SI: variants seen among roughly 807,000 people sequenced by gnomAD.
The protein encoded by SI is sucrase-isomaltase, intestinal.
Under a neutral mutation model 253.3 loss-of-function variants are expected in SI, and 235 were observed. The ratio of observed to expected loss-of-function variants is 0.93; its 90% confidence interval spans 0.83 to 1.03. SI has a LOEUF of 1.03. Ranked by LOEUF, SI falls within the 50% of genes least tolerant of loss-of-function variation. The pLI is 0.00. For synonymous variants in SI, 819 were observed against 712.0 expected (o/e 1.15, Z -2.39); for missense variants, 2,442 against 2,211.1 (o/e 1.10, Z -2.09).
At chr3:165,070,274 TATG>T (rs922076250) in intron 3 of SI, among the ~76,000 whole-genome samples, 8 of 138,780 alleles carry the variant, frequency 5.8e-5, no homozygotes, top group Admixed American at 2.4e-4. Context: ...AATATACATA[TATG>T]ATTATATACA....
chr3:164,989,372 GGAAGAAAGAAAGA>G (rs1717600357), intron 44 of SI, among the ~76,000 whole-genome samples: 4 of 118,610 alleles, frequency 3.4e-5, no homozygotes, highest in Non-Finnish European at 6.8e-5. Flanking sequence ...AAGAAAGAAA[GGAAGAAAGAAAGA>G]AAGGAAGAAA....
chr3:164,989,433 A>G (rs113424970), intron 44 of SI, among the ~76,000 whole-genome samples: 16,819 of 127,726 alleles, frequency 0.13, 1,820 homozygotes, highest in African/African-American at 0.35. Context: ...AGAAAGAAAG[A>G]AAGGAAAGAA....
chr3:165,047,989 T>C (rs1290009211), intron 15 of SI, among the ~76,000 whole-genome samples: 2 of 152,062 alleles, frequency 1.3e-5, no homozygotes. Flanking sequence ...CATGTTATAA[T>C]CTTTATTATA....
intron 40 of SI, among the ~76,000 whole-genome samples, chr3:164,994,671 T>C (rs534787225): frequency 1.3e-5 from 2 of 151,836 alleles, no homozygotes; most frequent in Admixed American, 6.6e-5. Flanking sequence ...AGTTCACATT[T>C]TAATGGATGA....
chr3:165,021,568 G>C (rs1234108543), intron 26 of SI, among the ~76,000 whole-genome samples, 185 bp from the exon 27 acceptor site: 1 of 151,114 alleles, frequency 6.6e-6, no homozygotes, highest in Non-Finnish European at 1.5e-5. Flanking sequence ...ATTTATAATG[G>C]GTCCTAACTG....
intron 31 of SI, 128 bp from the exon 32 acceptor site, chr3:165,016,208 G>T (rs1028655363): frequency 6.3e-6 from 5 of 793,650 alleles, no homozygotes; most frequent in African/African-American, 1.7e-5. Flanking sequence ...ATCCTAAAAA[G>T]AATTAAATGG....
chr3:165,009,958 G>A (rs1316956946), intron 34 of SI, among the ~76,000 whole-genome samples: 9 of 152,010 alleles, frequency 5.9e-5, no homozygotes, highest in East Asian at 3.9e-4. Flanking sequence ...CAGAGTAACC[G>A]TGTTTTAGCA....
At chr3:165,081,942 G>A (rs1473277081), upstream of SI, among the ~76,000 whole-genome samples, 1 of 152,046 alleles carries the variant, frequency 6.6e-6, no homozygotes, top group African/African-American at 2.4e-5. Flanking sequence ...GTTACGTGAA[G>A]AGCTTCCAGA....
intron 44 of SI, among the ~76,000 whole-genome samples, chr3:164,989,389 G>GAAGGAAGAAAGAAAGAAAGA (rs1423338292): frequency 1.7e-5 from 1 of 59,428 alleles, no homozygotes; most frequent in Admixed American, 2.2e-4. Context: ...AGAAAGAAAG[G>GAAGGAAGAAAGAAAGAAAGA]AAGAAAGAAA....
chr3:165,080,541 G>T (rs1201263749), upstream of SI, among the ~76,000 whole-genome samples: 1 of 151,948 alleles, frequency 6.6e-6, no homozygotes, highest in Non-Finnish European at 1.5e-5. Context: ...AGAAAATGTG[G>T]CTCATATACA....
rs764176809 is a variant in SI at position 165,059,022 on chromosome 3, C to T, written c.1339G>A (p.Gly447Arg). The change falls in exon 12 of 48, where the codon GGA becomes AGA. Residue 447 changes from glycine to arginine, a missense_variant. Physicochemically the swap from Gly to Arg is moderately radical, Grantham distance 125. Coordinates refer to ENST00000264382, the MANE Select transcript of SI (RefSeq NM_001041.4). The stretch of plus-strand genomic sequence containing the variant: ...TTTATCCACACATGTTGTGTGTTTC[C>T]CCTCTCATAGGTTGCATATGTTGTT... Reference protein sequence around the residue: ...NGTTYATYERGNTQHVWINES... With the variant: ...NGTTYATYERRNTQHVWINES... 2 of 1,612,080 alleles carry T rather than the reference C, an allele frequency of 1.2e-6. No homozygotes were observed. Among genetic ancestry groups the T allele is most frequent in the Non-Finnish European group, 1.7e-6 (2 of 1,178,822 alleles).
At chr3:164,984,476 A>G (rs1363877774) in intron 45 of SI, among the ~76,000 whole-genome samples, 1 of 152,110 alleles carries the variant, frequency 6.6e-6, no homozygotes, top group Non-Finnish European at 1.5e-5. Context: ...TTAAGTTTTC[A>G]TGAACAATCT....
chr3:165,047,646 GCATTTGGTATCCACTCAA>G (rs1713194035), intron 15 of SI, among the ~76,000 whole-genome samples: 1 of 151,682 alleles, frequency 6.6e-6, no homozygotes, highest in Admixed American at 6.6e-5. Context: ...ATAAACATGG[GCATTTGGTATCCACTCAA>G]CATTTGGTTT....
In SI at chr3:165,023,630, G is replaced by C. The variant is rs1259411498; in HGVS notation, c.3039C>G (p.Asp1013Glu). The C allele has an allele frequency of 2.5e-6, 4 of 1,610,796 alleles. No individual in the cohort carries two copies. Among genetic ancestry groups the C allele is most frequent in the Non-Finnish European group, 2.5e-6 (3 of 1,177,976 alleles). The change falls in exon 26 of 48, where the codon GAC (aspartate) becomes GAG (glutamate). Residue 1013 changes from aspartate to glutamate, a missense_variant. Coordinates refer to ENST00000264382, the MANE Select transcript of SI (RefSeq NM_001041.4). Reference protein sequence around the residue: ...TANARIKLPSDPISTLRVEVK... With the variant: ...TANARIKLPSEPISTLRVEVK... ...CCTCCACACGAAGAGTTGAGATGGG[G>C]TCAGAAGGTAACTTTATTCTGGCAT...
At chr3:165,032,726 G>A (rs200824898) in intron 23 of SI, 34 bp from the exon 24 acceptor site, 2 of 1,409,232 alleles carry the variant, frequency 1.4e-6, no homozygotes, top group East Asian at 2.4e-5. Flanking sequence ...TATATATTAG[G>A]TCATCAGATA....
chr3:165,029,352 C>G (rs1487628291), intron 25 of SI, among the ~76,000 whole-genome samples: 1 of 150,588 alleles, frequency 6.6e-6, no homozygotes, highest in East Asian at 2.0e-4. Context: ...CTAGTACAAC[C>G]ACTATGGACA....
At chr3:165,001,006 T>C (rs138557176) in intron 37 of SI, among the ~76,000 whole-genome samples, 1,599 of 151,390 alleles carry the variant, frequency 0.011, 29 homozygotes, top group African/African-American at 0.036. Context: ...ACTCTACATA[T>C]ATATTACAAA....
the SI span, among the ~76,000 whole-genome samples, chr3:165,088,069 G>A: frequency 2.0e-5 from 3 of 152,262 alleles, no homozygotes; most frequent in East Asian, 5.8e-4. Context: ...TAAAGGTCCA[G>A]GAACAGTGGT....
intron 38 of SI, among the ~76,000 whole-genome samples, chr3:164,997,845 C>A (rs997786220): frequency 6.6e-6 from 1 of 151,800 alleles, no homozygotes; most frequent in Non-Finnish European, 1.5e-5. Flanking sequence ...TGTATATATT[C>A]CATGGTGTAT....
Sources: allele counts gnomAD v4.1 joint callset (sites outside exome capture counted in the v4.1 genomes callset), GRCh38; gene constraint gnomAD v4.1.1; transcripts MANE v1.5; gene names NCBI Gene and HGNC (gene_info 2026-07-23, HGNC 2026-07-21).